Variants in CASD1 observed in about 807,000 individuals in gnomAD.
The protein encoded by CASD1 is N-acetylneuraminate (7)9-O-acetyltransferase.
Under a neutral mutation model 100.0 loss-of-function variants are expected in CASD1, and 41 were observed. The ratio of observed to expected loss-of-function variants is 0.41; its 90% confidence interval spans 0.32 to 0.53. The LOEUF (loss-of-function observed/expected upper bound fraction) is 0.53. Ranked by LOEUF, CASD1 falls within the 20% of genes least tolerant of loss-of-function variation. The pLI, the probability that CASD1 is intolerant of heterozygous loss-of-function variation, is 0.25. For missense variants in CASD1, 774 were observed against 948.7 expected, an observed-to-expected ratio of 0.82 and a Z score of 2.42; for synonymous variants, 321 against 315.6, an observed-to-expected ratio of 1.02 and a Z score of -0.18.
chr7:94,555,478 A>AT lies in CASD1; in HGVS notation c.2128-8dup. 11 of 1,608,208 alleles carry AT rather than the reference A, an allele frequency of 6.8e-6. No individual in the cohort carries two copies. The highest frequency in any genetic ancestry group is 9.3e-6 in the Non-Finnish European group (11 of 1,176,852). ...CCCTCTATAAATATCTGACTTAAAT[A>AT]TTTTTTCTCCTAGCTATTTATTTGC... is the stretch of plus-strand genomic sequence containing the variant. On this transcript the variant is annotated splice_polypyrimidine_tract_variant and intron_variant, in intron 17 of 17. Transcript: ENST00000297273.
the CASD1 span, among the ~76,000 whole-genome samples, chr7:94,602,670 A>C: frequency 6.6e-6 from 1 of 152,114 alleles, no homozygotes. Flanking sequence ...ATAATATAAA[A>C]TATGCAAACA....
chr7:94,577,413 A>G, the CASD1 span, among the ~76,000 whole-genome samples: 1 of 152,196 alleles, frequency 6.6e-6, no homozygotes, highest in African/African-American at 2.4e-5. Flanking sequence ...TCAGCTAATA[A>G]TTAAACAGAT....
At chr7:94,624,428 T>A in the CASD1 span, 1 of 387,806 alleles carries the variant, frequency 2.6e-6, no homozygotes. Flanking sequence ...CTTTTAACAA[T>A]GTTTAAAAGG....
Position 94,509,950 on chromosome 7 carries a change from G to A in CASD1, c.-135G>A. 8.4e-7 allele frequency: 1 copy of A among 1,195,862 alleles called. No individual in the cohort carries two copies. The highest frequency in any genetic ancestry group is 1.0e-6 in the Non-Finnish European group (1 of 957,288). The allele number at this position is 1,195,862 out of a possible 1,614,324, so 74.1% of individuals were successfully genotyped here. A position where few individuals can be genotyped will look rare whatever the true frequency, so the allele number is the denominator to read the frequency against. On this transcript the variant is annotated 5_prime_UTR_variant, in exon 1 of 18. Coordinates refer to ENST00000297273, the MANE Select transcript of CASD1 (RefSeq NM_022900.5). ...CGCGGCCGCGGGGTCAGGTTCCCCG[G>A]CGGGAGGCGCAGGTGGCGGCCTGGG... is the stretch of plus-strand genomic sequence containing the variant.
chr7:94,628,479 C>G, the CASD1 span: 1 of 752,258 alleles, frequency 1.3e-6, no homozygotes, highest in Non-Finnish European at 2.2e-6. Flanking sequence ...CAACTAAATA[C>G]ACACATACAA....
Position 94,555,848 on chromosome 7 carries a change from T to G in CASD1, c.*90T>G. On this transcript the variant is annotated 3_prime_UTR_variant, in exon 18 of 18. Coordinates refer to ENST00000297273, the MANE Select transcript of CASD1 (RefSeq NM_022900.5). ...GCATCTATCTGGAGATATAAATGTG[T>G]ATGTAAATATAAACGTTTGTGGCAA... 1 of 1,306,920 alleles carries G rather than the reference T, an allele frequency of 7.7e-7. No individual in the cohort carries two copies. Among genetic ancestry groups the G allele is most frequent in the South Asian group, 1.4e-5 (1 of 69,314 alleles). 81.0% of individuals were successfully genotyped at this position (1,306,920 alleles called of 1,614,324 possible). A position where few individuals can be genotyped will look rare whatever the true frequency, so the allele number is the denominator to read the frequency against.
At chr7:94,533,134 T>C (rs1794931647) in intron 5 of CASD1, 71 bp from the exon 6 acceptor site, 1 of 1,092,588 alleles carries the variant, frequency 9.2e-7, no homozygotes, top group Non-Finnish European at 1.3e-6. Context: ...AGGAAAAAAA[T>C]TAAATGATGT....
intron 10 of CASD1, among the ~76,000 whole-genome samples, chr7:94,540,395 G>A (rs1248178975): frequency 6.6e-6 from 1 of 152,086 alleles, no homozygotes; most frequent in African/African-American, 2.4e-5. Context: ...AAATAACATG[G>A]TTACTAGTGT....
chr7:94,531,954 GC>G (rs1295908270), intron 5 of CASD1, among the ~76,000 whole-genome samples: 2 of 151,972 alleles, frequency 1.3e-5, no homozygotes, highest in African/African-American at 2.4e-5. Context: ...CATCTTGCCT[GC>G]CCCACAGGGT....
chr7:94,577,149 T>G, the CASD1 span, among the ~76,000 whole-genome samples: 3 of 152,230 alleles, frequency 2.0e-5, no homozygotes, highest in Admixed American at 2.0e-4. Context: ...CTATGTTTCC[T>G]GGGCAGTTTC....
the CASD1 span, chr7:94,628,317 A>T: frequency 6.2e-7 from 1 of 1,611,588 alleles, no homozygotes; most frequent in Non-Finnish European, 8.5e-7. Flanking sequence ...TGGGTAACCC[A>T]TTAAATTTGT....
the CASD1 span, chr7:94,587,395 C>T: frequency 9.0e-7 from 1 of 1,114,556 alleles, no homozygotes; most frequent in Non-Finnish European, 1.1e-6. Flanking sequence ...TTCCTACTCA[C>T]TCCATGCCTG....
At chr7:94,616,303 T>G in the CASD1 span, among the ~76,000 whole-genome samples, 1 of 152,242 alleles carries the variant, frequency 6.6e-6, no homozygotes, top group African/African-American at 2.4e-5. Flanking sequence ...CACTTATTAC[T>G]TGTGGCTGAC....
Position 94,510,118 on chromosome 7 carries a change from G to C in CASD1, c.34G>C (p.Glu12Gln). Residue 12 changes from glutamate (E) to glutamine (Q), a missense_variant, in exon 1 of 18, where the codon GAG becomes CAG. By Grantham distance (29) the Glu-to-Gln change is conservative. This residue lies in a region of CASD1 where 75 missense variants were observed against 60.9 expected (regional missense o/e 1.23). Transcript: ENST00000297273. Reference sequence around the variant, plus strand: ...TCTGGCCTACAACCTGGGCAAGCGGGAGATCAACCACTACTTCAGCGTGAG... The same window carrying C: ...TCTGGCCTACAACCTGGGCAAGCGGCAGATCAACCACTACTTCAGCGTGAG... ...AALAYNLGKREINHYFSVRSA... is the reference protein window; with the variant it reads ...AALAYNLGKRQINHYFSVRSA... 3 of 1,530,366 alleles carry C rather than the reference G, an allele frequency of 2.0e-6. No individual in the cohort carries two copies. The highest frequency in any genetic ancestry group is 2.6e-6 in the Non-Finnish European group (3 of 1,137,420). The allele number at this position is 1,530,366 out of a possible 1,614,324, so 94.8% of individuals were successfully genotyped here. A position where few individuals can be genotyped will look rare whatever the true frequency, so the allele number is the denominator to read the frequency against.
chr7:94,515,746 G>C (rs947425165), intron 1 of CASD1, among the ~76,000 whole-genome samples: 1 of 151,862 alleles, frequency 6.6e-6, no homozygotes, highest in Admixed American at 6.6e-5. Context: ...AAAGGGGAGG[G>C]GAGAAAGAAA....
chr7:94,523,678 A>G (rs2116239708), intron 3 of CASD1, among the ~76,000 whole-genome samples: 2 of 152,320 alleles, frequency 1.3e-5, no homozygotes, highest in South Asian at 4.1e-4. Context: ...AAATCCTAAC[A>G]GAATTTGTTG....
chr7:94,589,242 G>A, the CASD1 span: 9 of 166,062 alleles, frequency 5.4e-5, no homozygotes, highest in Non-Finnish European at 7.9e-5. Context: ...ATGCATTGGC[G>A]GAATGCAGAA....
chr7:94,592,384 G>A, the CASD1 span, among the ~76,000 whole-genome samples: 1 of 152,044 alleles, frequency 6.6e-6, no homozygotes, highest in Non-Finnish European at 1.5e-5. Flanking sequence ...AGGAGCGGGG[G>A]GTCGACTTCA....
intron 11 of CASD1, among the ~76,000 whole-genome samples, chr7:94,545,173 G>A (rs10261761): frequency 0.51 from 77,978 of 151,822 alleles, 21,176 homozygotes; most frequent in South Asian, 0.73. Flanking sequence ...AATGGGGTAA[G>A]TCAACATTAA....
Sources: gnomAD v4.1 joint callset for allele counts (sites outside exome capture counted in the v4.1 genomes callset) on GRCh38, gnomAD v4.1.1 for gene constraint, gnomAD v4.1.1 regional missense constraint, MANE v1.5 for transcripts, NCBI Gene and HGNC (gene_info 2026-07-23, HGNC 2026-07-21) for gene names.